The following AMMECR1 variants were observed in gnomAD, a reference collection of about 807,000 sequenced individuals.
AMMECR1 encodes the protein AMMECR nuclear protein 1, also known as nuclear protein AMMECR1.
A neutral mutation model predicts 22.5 loss-of-function variants in AMMECR1; 3 were observed. That is an observed-to-expected ratio of 0.13 (90% CI 0.06 to 0.35). The LOEUF (loss-of-function observed/expected upper bound fraction) is 0.35. Ranked by LOEUF, AMMECR1 falls within the 10% of genes least tolerant of loss-of-function variation. AMMECR1 has a pLI of 1.00. For synonymous variants in AMMECR1, 130 were observed against 116.7 expected, an observed-to-expected ratio of 1.11 and a Z score of -0.74; for missense variants, 235 against 278.7, an observed-to-expected ratio of 0.84 and a Z score of 1.12.
intron 2 of AMMECR1, among the ~76,000 whole-genome samples, chrX:110,348,049 G>A (rs1264884311): frequency 8.9e-6 from 1 of 111,800 alleles, no homozygotes; most frequent in Non-Finnish European, 1.9e-5. Context: ...GTATGTAAAC[G>A]TAATCATCTG....
At chrX:110,364,644 G>GA (rs1406462742) in intron 2 of AMMECR1, among the ~76,000 whole-genome samples, 25 of 111,629 alleles carry the variant, frequency 2.2e-4, no homozygotes, top group Admixed American at 1.8e-3. Context: ...GGCTAAAATG[G>GA]AAAAAATTGA....
rs1353756224 is a variant in AMMECR1, at chrX:110,365,766, T to C, written c.-147-47917A>G. Among the ~76,000 whole-genome samples the C allele has an allele frequency of 2.7e-5, 3 of 112,037 alleles. No homozygotes were observed. In the Admixed American group the frequency reaches 2.8e-4, roughly 11 times the overall value. On this transcript the variant is annotated intron_variant, in intron 2 of 7. Coordinates refer to the AMMECR1 transcript ENST00000372057. ...GCTCATGATCTTTCTGGGTGTTTTC[T>C]AATAATATATACCTTCTCACAATAT...
chrX:110,374,334 A>G (rs1415561485), intron 2 of AMMECR1, among the ~76,000 whole-genome samples: 3 of 112,259 alleles, frequency 2.7e-5, no homozygotes, highest in Non-Finnish European at 5.6e-5. Context: ...GTATATGCAC[A>G]TTAAAAAAAT....
chrX:110,293,495 G>A (rs1305825876), intron 1 of AMMECR1, among the ~76,000 whole-genome samples: 2 of 111,268 alleles, frequency 1.8e-5, no homozygotes, highest in Non-Finnish European at 3.8e-5. Context: ...AAGGACCATA[G>A]TATTACCTGT....
At chrX:110,217,124 C>T (rs2067477344) in intron 2 of AMMECR1, among the ~76,000 whole-genome samples, 1 of 106,352 alleles carries the variant, frequency 9.4e-6, no homozygotes, top group Non-Finnish European at 1.9e-5. Flanking sequence ...AAAGATTATA[C>T]TAGGAAGGCC....
In AMMECR1 at chrX:110,282,947, G is replaced by A. The variant is rs746493720; in HGVS notation, c.474-18348C>T. On this transcript the variant is annotated intron_variant, in intron 1 of 5. Coordinates refer to ENST00000262844, the MANE Select transcript of AMMECR1 (RefSeq NM_015365.3). ...GAGCAGACATGACACTACCAACCAA[G>A]GATATCTGGCTCTAAAGCAACAGAA... 2.7e-5 allele frequency among the ~76,000 whole-genome samples: 3 copies of A among 111,834 alleles called. No individual in the cohort carries two copies. The South Asian group carries it at 1.1e-3, about 42-fold the overall frequency.
At chrX:110,307,525 C>T (rs141366151) in intron 1 of AMMECR1, among the ~76,000 whole-genome samples, 2,672 of 111,735 alleles carry the variant, frequency 0.024, 76 homozygotes, top group African/African-American at 0.083. Context: ...GAGCAAACTA[C>T]ATGAAACAAA....
chrX:110,403,399 G>C (rs754756342), intron 2 of AMMECR1, among the ~76,000 whole-genome samples: 3 of 112,247 alleles, frequency 2.7e-5, no homozygotes, highest in Non-Finnish European at 3.8e-5. Flanking sequence ...TTGACCTGAG[G>C]AGCAGCAAGG....
intron 2 of AMMECR1, chrX:110,346,753 A>G (rs755068691): frequency 3.1e-5 from 25 of 811,760 alleles, no homozygotes; most frequent in Non-Finnish European, 4.7e-5. Flanking sequence ...GTACTTGAAG[A>G]TACTCCAGTC....
At chrX:110,244,514 C>G (rs903908868) in intron 2 of AMMECR1, among the ~76,000 whole-genome samples, 3 of 112,016 alleles carry the variant, frequency 2.7e-5, no homozygotes, top group African/African-American at 6.5e-5. Flanking sequence ...GTCAGCTAGT[C>G]AGTAAAACCT....
chrX:110,205,713 T>C (rs1401057587), intron 3 of AMMECR1, among the ~76,000 whole-genome samples: 1 of 111,662 alleles, frequency 9.0e-6, no homozygotes. Flanking sequence ...AGATGGTCTA[T>C]GAAAAAAATG....
In AMMECR1 at chrX:110,196,726, A is replaced by G. The variant is rs1489496759; in HGVS notation, c.*1794T>C. On this transcript the variant is annotated 3_prime_UTR_variant, in exon 6 of 6. Coordinates refer to ENST00000262844, the MANE Select transcript of AMMECR1 (RefSeq NM_015365.3). ...GGATGCTGTGGATGAAGGAATACCA[A>G]CAAACTTCTAAGAACTCTCATCAAA... 1 of 111,813 alleles carries G rather than the reference A, an allele frequency of 8.9e-6. No homozygotes were observed. Among genetic ancestry groups the G allele is most frequent in the Non-Finnish European group, 1.9e-5 (1 of 53,102 alleles). The allele number at this position is 111,813 out of a possible 1,213,427, so 9.2% of individuals were successfully genotyped here. A position where few individuals can be genotyped will look rare whatever the true frequency, so the allele number is the denominator to read the frequency against.
chrX:110,309,307 A>G (rs1232934204), intron 1 of AMMECR1: 1 of 112,447 alleles, frequency 8.9e-6, no homozygotes, highest in East Asian at 2.8e-4. Context: ...ACCACCTTGC[A>G]GCAATCCAAG....
intron 2 of AMMECR1, among the ~76,000 whole-genome samples, chrX:110,232,250 G>A (rs1270996449): frequency 9.0e-6 from 1 of 111,529 alleles, no homozygotes; most frequent in East Asian, 2.8e-4. Flanking sequence ...TTCTAAAACT[G>A]ACCACATACT....
At chrX:110,413,620 C>T (rs895532723) in intron 2 of AMMECR1, among the ~76,000 whole-genome samples, 1 of 105,666 alleles carries the variant, frequency 9.5e-6, no homozygotes, top group Admixed American at 1.0e-4. Flanking sequence ...CATCCGTGAT[C>T]CATGTACAGG....
At chrX:110,313,089 T>C (rs751972377) in intron 1 of AMMECR1, among the ~76,000 whole-genome samples, 2 of 111,885 alleles carry the variant, frequency 1.8e-5, no homozygotes, top group South Asian at 7.5e-4. Flanking sequence ...TGCAATAGGA[T>C]TGCCACAGTT....
chrX:110,381,488 G>A (rs2068418618), intron 2 of AMMECR1, among the ~76,000 whole-genome samples: 1 of 111,940 alleles, frequency 8.9e-6, no homozygotes, highest in Non-Finnish European at 1.9e-5. Flanking sequence ...ATGTAAGTTA[G>A]TTCAGCCCCT....
intron 1 of AMMECR1, among the ~76,000 whole-genome samples, chrX:110,429,761 C>T (rs770656791): frequency 3.6e-5 from 4 of 112,132 alleles, no homozygotes; most frequent in East Asian, 2.8e-4. Context: ...GGATTACAGG[C>T]GTTGAGCCAC....
At chrX:110,343,729 A>G (rs1375584281) in intron 2 of AMMECR1, among the ~76,000 whole-genome samples, 1 of 111,064 alleles carries the variant, frequency 9.0e-6, no homozygotes, top group Non-Finnish European at 1.9e-5. Flanking sequence ...ATCATGAGTG[A>G]ACTCCCATTC....
Sources: allele counts gnomAD v4.1 joint callset (sites outside exome capture counted in the v4.1 genomes callset), GRCh38; gene constraint gnomAD v4.1.1; transcripts MANE v1.5; gene names NCBI Gene and HGNC (gene_info 2026-07-23, HGNC 2026-07-21).